The following ITGA4 variants were observed in gnomAD, a reference collection of about 807,000 sequenced individuals.
ITGA4 encodes the protein integrin subunit alpha 4, also known as integrin alpha-4.
A neutral mutation model predicts 133.6 loss-of-function variants in ITGA4; 63 were observed. The observed-to-expected ratio is 0.47, with a 90% CI of 0.38 to 0.58. The LOEUF is 0.58. Ranked by LOEUF, ITGA4 falls within the 20% of genes least tolerant of loss-of-function variation. The probability of loss-of-function intolerance (pLI) is 0.00; values close to 1 mark genes in which losing one functional copy is unlikely to be tolerated. For missense variants in ITGA4, 1,076 were observed against 1,252.7 expected (o/e 0.86, Z 2.13); for synonymous variants, 483 against 438.0 (o/e 1.10, Z -1.28).
intron 21 of ITGA4, among the ~76,000 whole-genome samples, chr2:181,526,758 T>C (rs1686836387): frequency 7.1e-6 from 1 of 140,776 alleles, no homozygotes; most frequent in Admixed American, 7.8e-5. Context: ...TGTAGTGTCA[T>C]GGAAAGCAAG....
intron 6 of ITGA4, among the ~76,000 whole-genome samples, chr2:181,481,141 T>C (rs1268572693): frequency 6.6e-6 from 1 of 152,212 alleles, no homozygotes; most frequent in African/African-American, 2.4e-5. Context: ...TCAAGAAATA[T>C]AACTTGTTAC....
chr2:181,525,338 G>T, intron 21 of ITGA4, 47 bp downstream of exon 21: 1 of 998,394 alleles, frequency 1.0e-6, no homozygotes, highest in Non-Finnish European at 1.6e-6. Flanking sequence ...CTGATTTACA[G>T]TTTCCTTGCT....
rs889690265 is a variant in ITGA4 at position 181,536,963 on chromosome 2, C to T, written c.*1436C>T. 4 of 452,562 alleles carry T rather than the reference C, an allele frequency of 8.8e-6. No individual in the cohort carries two copies. Among genetic ancestry groups the T allele is most frequent in the African/African-American group, 8.0e-5 (4 of 49,902 alleles). The allele number at this position is 452,562 out of a possible 1,614,324, so 28.0% of individuals were successfully genotyped here. A position where few individuals can be genotyped will look rare whatever the true frequency, so the allele number is the denominator to read the frequency against. ...ATATGAAGTCCCTGCCACTAGCCAG[C>T]CATCCTAATTGATGAAAGTTATCTG... is the stretch of plus-strand genomic sequence containing the variant. On this transcript the variant is annotated 3_prime_UTR_variant, in exon 28 of 28. Transcript: ENST00000397033.
chr2:181,478,758 T>C lies in ITGA4; in HGVS notation c.558T>C (p.Asp186=). ...AGTTGTTTTAATATTTCATTTTAGA[T>C]TATGTGAAAAAATTTGGAGAAAATT... ...LSKRIAPCYQ[D]YVKKFGENFA... The change falls in exon 5 of 28, where the codon GAT becomes GAC. Residue 186 remains aspartate (D), a splice_region_variant and synonymous_variant. Transcript: ENST00000397033. 1 of 1,371,474 alleles carries C rather than the reference T, an allele frequency of 7.3e-7. No homozygotes were observed. The allele number at this position is 1,371,474 out of a possible 1,614,324, so 85.0% of individuals were successfully genotyped here. A position where few individuals can be genotyped will look rare whatever the true frequency, so the allele number is the denominator to read the frequency against.
rs143795644 is a variant in ITGA4, at chr2:181,498,821, G to A, written c.1695+44G>A. On this transcript the variant is annotated intron_variant, in intron 15 of 27. Transcript: ENST00000397033. Reference sequence around the variant, plus strand: ...TATTAATGAATATGTGAACTTCAACGTTGTTGATAGAGAGCAACTTATTGT... The same window carrying A: ...TATTAATGAATATGTGAACTTCAACATTGTTGATAGAGAGCAACTTATTGT... The A allele has an allele frequency of 1.1e-4, 174 of 1,529,866 alleles. No homozygotes were observed. In the African/African-American group the frequency reaches 1.5e-3, roughly 14 times the overall value. 94.8% of individuals were successfully genotyped at this position (1,529,866 alleles called of 1,614,324 possible).
rs185899371 is a variant in ITGA4 at position 181,495,373 on chromosome 2, G to A, written c.1342G>A (p.Val448Ile). ...CTGTGTTGTTTTTTATCCTCCAGAT[G>A]TAGCAGTTGGTGCTTTTCGGTCTGA... ...IDADNNGYVD[V>I]AVGAFRSDSA... The change falls in exon 13 of 28, where the codon GTA becomes ATA. Residue 448 changes from valine (V) to isoleucine (I), a missense_variant and splice_region_variant. Around this residue, in one of 4 missense-constraint regions of ITGA4, gnomAD observed 436 missense variants for 590.7 expected, o/e 0.74. Coordinates refer to ENST00000397033, the MANE Select transcript of ITGA4 (RefSeq NM_000885.6). This position sits in a 1 kb window ranked among gnomAD's most constrained non-coding sequence, Gnocchi z 4.3. 27 of 1,608,856 alleles carry A rather than the reference G, an allele frequency of 1.7e-5. No individual in the cohort carries two copies. The African/African-American group carries it at 3.5e-4, about 21-fold the overall frequency.
intron 8 of ITGA4, 32 bp downstream of exon 8, chr2:181,482,454 G>A (rs1208444836): frequency 1.2e-6 from 2 of 1,613,322 alleles, no homozygotes; most frequent in Non-Finnish European, 1.7e-6. Flanking sequence ...TATCTCTGTG[G>A]GCTTTTGCGA....
chr2:181,502,571 G>T (rs1321693745), intron 15 of ITGA4, among the ~76,000 whole-genome samples: 1 of 152,090 alleles, frequency 6.6e-6, no homozygotes, highest in Non-Finnish European at 1.5e-5. Context: ...TGCAGATGCT[G>T]GGTAGATGTG....
chr2:181,475,557 T>C (rs1685656361), intron 4 of ITGA4, among the ~76,000 whole-genome samples: 1 of 152,204 alleles, frequency 6.6e-6, no homozygotes, highest in Non-Finnish European at 1.5e-5. Flanking sequence ...TTACTTTCAA[T>C]TTGGTATAGG....
In ITGA4 at chr2:181,458,564, C is replaced by G. The variant is rs532764420; in HGVS notation, c.319+247C>G. ...TCTGACAACTATGCTAGAGAAATTT[C>G]TTATGATACCTTCTCTTCATCTCTC... On this transcript the variant is annotated intron_variant, in intron 2 of 27. Transcript: ENST00000397033. The G allele has an allele frequency of 1.5e-4, 78 of 504,174 alleles. 1 individual carries two copies. The highest frequency in any genetic ancestry group is 1.4e-3 in the African/African-American group (74 of 52,106). 31.2% of individuals were successfully genotyped at this position (504,174 alleles called of 1,614,324 possible).
In ITGA4 at chr2:181,522,237, T is replaced by A; in HGVS notation, c.1969T>A (p.Leu657Met). 1.2e-6 allele frequency: 2 copies of A among 1,606,444 alleles called. No homozygotes were observed. Among genetic ancestry groups the A allele is most frequent in the Non-Finnish European group, 1.7e-6 (2 of 1,173,898 alleles). Reference protein sequence around the residue: ...TYLAVGSMKTLMLNVSLFNAG... With the variant: ...TYLAVGSMKTMMLNVSLFNAG... Reference sequence around the variant, plus strand: ...TCTTGCTGTTGGGAGTATGAAGACATTGATGTTGAATGTGTCCTTGTTTAA... The same window carrying A: ...TCTTGCTGTTGGGAGTATGAAGACAATGATGTTGAATGTGTCCTTGTTTAA... The change falls in exon 18 of 28, where the codon TTG (leucine) becomes ATG (methionine). Residue 657 changes from leucine to methionine, a missense_variant. Leu to Met is a conservative substitution (Grantham distance 15, BLOSUM62 2). Coordinates refer to ENST00000397033, the MANE Select transcript of ITGA4 (RefSeq NM_000885.6).
intron 15 of ITGA4, among the ~76,000 whole-genome samples, chr2:181,506,243 CCTATT>C (rs1432932249): frequency 2.0e-5 from 3 of 152,076 alleles, no homozygotes; most frequent in African/African-American, 7.2e-5. Context: ...ACCAGAATCT[CCTATT>C]CTAGGAAACT....
intron 22 of ITGA4, among the ~76,000 whole-genome samples, chr2:181,528,375 A>ACTTTT (rs1686875729): frequency 6.6e-6 from 1 of 152,220 alleles, no homozygotes; most frequent in African/African-American, 2.4e-5. Flanking sequence ...TAAAACAGAA[A>ACTTTT]CCAAACCGGA....
At position 181,485,871 on chromosome 2, in the gene ITGA4, TTCTA is replaced by T; in HGVS notation, c.1042-5_1042-2del. The T allele has an allele frequency of 6.3e-7, 1 of 1,586,512 alleles. No homozygotes were observed. Among genetic ancestry groups the T allele is most frequent in the East Asian group, 2.3e-5 (1 of 44,176 alleles). ...TTATAATGACACGTTTTCTCTCCCT[TTCTA>T]TCTAGGGAGCAGTAATGAATGCAAT... is the stretch of plus-strand genomic sequence containing the variant. On this transcript the variant is annotated splice_region_variant and splice_polypyrimidine_tract_variant and intron_variant, in intron 9 of 27. Transcript: ENST00000397033.
chr2:181,474,603 G>A (rs993949568), intron 2 of ITGA4, among the ~76,000 whole-genome samples: 11 of 152,122 alleles, frequency 7.2e-5, no homozygotes, highest in East Asian at 1.9e-4. Flanking sequence ...TATTGCTTAC[G>A]TTGTTAGATA....
At chr2:181,528,871 A>G (rs1159407037) in intron 22 of ITGA4, among the ~76,000 whole-genome samples, 1 of 152,142 alleles carries the variant, frequency 6.6e-6, no homozygotes, top group Admixed American at 6.5e-5. Flanking sequence ...AGGAATCTTC[A>G]ATCCCCAAAT....
chr2:181,504,516 AGCACAC>A (rs1686351885), intron 15 of ITGA4, among the ~76,000 whole-genome samples: 1 of 152,128 alleles, frequency 6.6e-6, no homozygotes, highest in African/African-American at 2.4e-5. Flanking sequence ...TTTTAACAAT[AGCACAC>A]TATGGACTGA....
chr2:181,527,836 C>T (rs1686865648), intron 22 of ITGA4, among the ~76,000 whole-genome samples: 1 of 152,168 alleles, frequency 6.6e-6, no homozygotes, highest in African/African-American at 2.4e-5. Context: ...CGTTGGTTAG[C>T]CTTTCAAGCC....
chr2:181,475,097 C>G, intron 3 of ITGA4, 31 bp downstream of exon 3: 1 of 1,612,324 alleles, frequency 6.2e-7, no homozygotes. Flanking sequence ...ACAGATCCAT[C>G]GTGAAATCAG....
Sources: gnomAD v4.1 joint callset for allele counts (sites outside exome capture counted in the v4.1 genomes callset) on GRCh38, gnomAD v4.1.1 for gene constraint, gnomAD v4.1.1 regional missense constraint, Gnocchi (gnomAD v3.1) non-coding constraint, MANE v1.5 for transcripts, NCBI Gene and HGNC (gene_info 2026-07-23, HGNC 2026-07-21) for gene names.